NAV2: variants seen among roughly 807,000 people sequenced by gnomAD.
NAV2 encodes the protein neuron navigator 2, also known as helicase, APC down-regulated 1.
In NAV2, 54 loss-of-function variants were observed where a neutral mutation model predicts 223.2. The observed-to-expected ratio is 0.24, with a 90% confidence interval of 0.19 to 0.30. The LOEUF (loss-of-function observed/expected upper bound fraction) is 0.30, where lower values mean the gene tolerates loss of function less well. NAV2 is among the 10% of genes least tolerant of loss of function. NAV2 has a pLI of 1.00. For missense variants in NAV2, 2,806 were observed against 3,147.5 expected (o/e 0.89, Z 2.60); for synonymous variants, 1,279 against 1,239.3 (o/e 1.03, Z -0.67).
At chr11:20,064,867 G>T (rs2058939253) in intron 20 of NAV2, among the ~76,000 whole-genome samples, 1 of 152,082 alleles carries the variant, frequency 6.6e-6, no homozygotes, top group East Asian at 1.9e-4. Context: ...AAGTCATCTG[G>T]TTATTCAGAG....
At chr11:19,676,786 C>T (rs958627399) in intron 1 of NAV2, among the ~76,000 whole-genome samples, 21 of 152,300 alleles carry the variant, frequency 1.4e-4, no homozygotes, top group African/African-American at 4.6e-4. Flanking sequence ...TTCCCACTGG[C>T]GACTCAATTC....
chr11:19,359,024 C>T lies in NAV2; in HGVS notation c.75+7997C>T, dbSNP rs146803097. On this transcript the variant is annotated intron_variant, in intron 1 of 37. Transcript: ENST00000360655. ...TATTCAGAACACATATTACAGTGTT[C>T]GGCATACAGTAGATGATCAGGAAAT... 9.2e-5 allele frequency among the ~76,000 whole-genome samples: 14 copies of T among 152,220 alleles called. No individual in the cohort carries two copies. The East Asian group carries it at 1.4e-3, about 15-fold the overall frequency.
At chr11:19,882,187 T>C (rs1224002272) in intron 5 of NAV2, among the ~76,000 whole-genome samples, 1 of 152,150 alleles carries the variant, frequency 6.6e-6, no homozygotes, top group African/African-American at 2.4e-5. Flanking sequence ...GGAGCAAGAA[T>C]GGAAGGAAGG....
chr11:19,524,210 G>A (rs1356769032), intron 1 of NAV2, among the ~76,000 whole-genome samples: 2 of 152,204 alleles, frequency 1.3e-5, no homozygotes, highest in African/African-American at 4.8e-5. Context: ...TTGTTGAGTA[G>A]ATGGATGACT....
intron 1 of NAV2, among the ~76,000 whole-genome samples, chr11:19,536,075 G>A (rs2044178863): frequency 6.6e-6 from 1 of 152,324 alleles, no homozygotes; most frequent in South Asian, 2.1e-4. Context: ...TGGAAGATTA[G>A]AAAGCTACAA....
At chr11:19,601,403 G>A (rs1174292313) in intron 1 of NAV2, among the ~76,000 whole-genome samples, 1 of 152,110 alleles carries the variant, frequency 6.6e-6, no homozygotes, top group African/African-American at 2.4e-5. Context: ...TCCCCTCCTG[G>A]ACTCAGAGCA....
intron 8 of NAV2, among the ~76,000 whole-genome samples, chr11:19,942,843 C>T (rs1329722360): frequency 6.6e-6 from 1 of 152,086 alleles, no homozygotes; most frequent in Admixed American, 6.6e-5. Context: ...ATTAGCCAGG[C>T]ATGGTGGTGC....
At chr11:19,874,773 A>G (rs887874906) in intron 4 of NAV2, among the ~76,000 whole-genome samples, 2 of 152,256 alleles carry the variant, frequency 1.3e-5, no homozygotes, top group African/African-American at 4.8e-5. Flanking sequence ...GAATGGATAA[A>G]CAAAATATGG....
chr11:19,640,850 T>C (rs757134776), intron 1 of NAV2, among the ~76,000 whole-genome samples: 7 of 152,142 alleles, frequency 4.6e-5, no homozygotes, highest in Middle Eastern at 3.2e-3. Flanking sequence ...TGAAGGGACA[T>C]TGTGGCACTG....
chr11:20,066,719 T>G (rs983969024), intron 20 of NAV2, among the ~76,000 whole-genome samples: 1 of 152,194 alleles, frequency 6.6e-6, no homozygotes, highest in Non-Finnish European at 1.5e-5. Flanking sequence ...GATGCTGACA[T>G]CAGGGTCAGA....
At chr11:19,388,093 C>T (rs1202485151) in intron 1 of NAV2, among the ~76,000 whole-genome samples, 1 of 152,188 alleles carries the variant, frequency 6.6e-6, no homozygotes, top group East Asian at 1.9e-4. Context: ...TAACTAATTT[C>T]CTAGGAGATG....
At chr11:20,097,332 T>A (rs969017054) in intron 30 of NAV2, among the ~76,000 whole-genome samples, 1 of 152,170 alleles carries the variant, frequency 6.6e-6, no homozygotes, top group Non-Finnish European at 1.5e-5. Context: ...GTTCACAACC[T>A]TGTTAGGGGT....
chr11:19,377,143 C>T (rs1338112513), intron 1 of NAV2, among the ~76,000 whole-genome samples: 1 of 152,146 alleles, frequency 6.6e-6, no homozygotes, highest in Non-Finnish European at 1.5e-5. Context: ...GTTTTCTCAA[C>T]AGCAATATGA....
chr11:19,699,536 A>T (rs1005973697), intron 1 of NAV2, among the ~76,000 whole-genome samples: 3 of 152,230 alleles, frequency 2.0e-5, no homozygotes, highest in Non-Finnish European at 4.4e-5. Flanking sequence ...AAGAAAAGGC[A>T]TCTCACTTGG....
At chr11:20,017,535 C>T (rs1276559997) in intron 11 of NAV2, among the ~76,000 whole-genome samples, 1 of 152,208 alleles carries the variant, frequency 6.6e-6, no homozygotes, top group Non-Finnish European at 1.5e-5. Flanking sequence ...TCTGTCATCA[C>T]TTTCCCCGTA....
At chr11:19,400,092 G>C (rs1039431424) in intron 1 of NAV2, among the ~76,000 whole-genome samples, 1 of 152,182 alleles carries the variant, frequency 6.6e-6, no homozygotes, top group East Asian at 1.9e-4. Flanking sequence ...TAAGTCTTTC[G>C]GGGAGTTGTG....
intron 11 of NAV2, among the ~76,000 whole-genome samples, chr11:20,009,286 A>T (rs2053364590): frequency 6.6e-6 from 1 of 152,136 alleles, no homozygotes; most frequent in Admixed American, 6.5e-5. Context: ...TTTTCTTTTC[A>T]GTTGTGAGCG....
chr11:19,351,720 G>T (rs1198677560), intron 1 of NAV2, among the ~76,000 whole-genome samples: 2 of 150,418 alleles, frequency 1.3e-5, no homozygotes, highest in African/African-American at 2.5e-5. Context: ...CGTGGCAAGG[G>T]TTAAATAAAT....
At chr11:19,640,031 C>T (rs1022913022) in intron 1 of NAV2, among the ~76,000 whole-genome samples, 4 of 152,206 alleles carry the variant, frequency 2.6e-5, no homozygotes, top group Admixed American at 6.5e-5. Flanking sequence ...GTGAAGCAAG[C>T]TCTGTGACTA....
Sources: gnomAD v4.1 joint callset for allele counts (sites outside exome capture counted in the v4.1 genomes callset) on GRCh38, gnomAD v4.1.1 for gene constraint, MANE v1.5 for transcripts, NCBI Gene and HGNC (gene_info 2026-07-23, HGNC 2026-07-21) for gene names.